PACSIN2: variants seen among roughly 807,000 people sequenced by gnomAD.
PACSIN2 encodes protein kinase C and casein kinase substrate in neurons protein 2.
In PACSIN2, 25 loss-of-function variants were observed where a neutral mutation model predicts 63.8. That is an observed-to-expected ratio of 0.39 (90% CI 0.29 to 0.55). The LOEUF (loss-of-function observed/expected upper bound fraction) is 0.55, where lower values mean the gene tolerates loss of function less well. PACSIN2 is among the 20% of genes least tolerant of loss of function. PACSIN2 has a pLI of 0.62. For missense variants in PACSIN2, 518 were observed against 646.9 expected, an observed-to-expected ratio of 0.80 and a Z score of 2.16; for synonymous variants, 255 against 256.2, an observed-to-expected ratio of 1.00 and a Z score of 0.05.
At chr22:42,983,853 GA>G (rs1922417686) in intron 1 of PACSIN2, among the ~76,000 whole-genome samples, 1 of 152,012 alleles carries the variant, frequency 6.6e-6, no homozygotes, top group Admixed American at 6.6e-5. Context: ...TCCATCTCAT[GA>G]GACAGATACT....
chr22:42,913,552 A>G (rs1178397224), intron 1 of PACSIN2, among the ~76,000 whole-genome samples: 1 of 152,062 alleles, frequency 6.6e-6, no homozygotes, highest in Admixed American at 6.5e-5. Flanking sequence ...CAAGTCAAAT[A>G]TATACAAGAG....
At chr22:42,989,323 C>T (rs1922845370) in intron 1 of PACSIN2, among the ~76,000 whole-genome samples, 1 of 151,860 alleles carries the variant, frequency 6.6e-6, no homozygotes, top group South Asian at 2.1e-4. Context: ...ATGATGAAAC[C>T]CCATCTCTAC....
At chr22:43,009,051 C>A (rs1185165320) in intron 1 of PACSIN2, among the ~76,000 whole-genome samples, 1 of 152,202 alleles carries the variant, frequency 6.6e-6, no homozygotes, top group Non-Finnish European at 1.5e-5. Context: ...GAAAAACAGT[C>A]CTTTCCGGCA....
At chr22:43,009,377 AT>A (rs1236182504) in intron 1 of PACSIN2, among the ~76,000 whole-genome samples, 1 of 152,248 alleles carries the variant, frequency 6.6e-6, no homozygotes, top group Non-Finnish European at 1.5e-5. Flanking sequence ...ACAAGTCATC[AT>A]TATTATTAGC....
chr22:42,893,166 T>C (rs570760659), intron 3 of PACSIN2, among the ~76,000 whole-genome samples: 52 of 152,210 alleles, frequency 3.4e-4, no homozygotes, highest in Non-Finnish European at 6.6e-4. Context: ...GATAGGAACT[T>C]ACCCGAGTTC....
intron 1 of PACSIN2, among the ~76,000 whole-genome samples, chr22:42,984,843 G>C (rs1456332776): frequency 1.3e-5 from 2 of 152,144 alleles, no homozygotes; most frequent in African/African-American, 4.8e-5. Context: ...TAGTAACAAT[G>C]AGACCCCAAA....
At chr22:42,938,662 T>C (rs1283613528) in intron 1 of PACSIN2, among the ~76,000 whole-genome samples, 4 of 152,238 alleles carry the variant, frequency 2.6e-5, no homozygotes, top group Non-Finnish European at 5.9e-5. Flanking sequence ...CTCGACAGCC[T>C]GGCACAGTGG....
At chr22:43,012,721 T>TGGCTCACCGC (rs1924585543) in intron 1 of PACSIN2, among the ~76,000 whole-genome samples, 1 of 152,008 alleles carries the variant, frequency 6.6e-6, no homozygotes, top group African/African-American at 2.4e-5. Context: ...GGCCGGATCT[T>TGGCTCACCGC]GGCTCACCGC....
chr22:42,936,895 A>G (rs1048348492), intron 1 of PACSIN2, among the ~76,000 whole-genome samples: 1 of 128,530 alleles, frequency 7.8e-6, no homozygotes, highest in African/African-American at 2.9e-5. Context: ...TGGGCAACAC[A>G]GCAAGACTCT....
chr22:42,872,714 C>T (rs190792108), intron 10 of PACSIN2, among the ~76,000 whole-genome samples: 1 of 152,290 alleles, frequency 6.6e-6, no homozygotes, highest in East Asian at 1.9e-4. Flanking sequence ...ACTGGGGGTA[C>T]TGTGAAGATT....
At chr22:42,917,834 C>T (rs1044371370) in intron 1 of PACSIN2, among the ~76,000 whole-genome samples, 3 of 151,860 alleles carry the variant, frequency 2.0e-5, no homozygotes, top group East Asian at 1.9e-4. Flanking sequence ...TATGTTGCCC[C>T]GGCTGGCCTT....
chr22:42,883,967 A>G (rs1030060404), intron 6 of PACSIN2, among the ~76,000 whole-genome samples: 1 of 151,990 alleles, frequency 6.6e-6, no homozygotes, highest in Non-Finnish European at 1.5e-5. Flanking sequence ...AGATCACGCC[A>G]CTGCACTCCA....
chr22:42,981,759 C>T (rs1262959013), intron 1 of PACSIN2, among the ~76,000 whole-genome samples: 3 of 120,012 alleles, frequency 2.5e-5, no homozygotes, highest in African/African-American at 6.6e-5. Context: ...CCAGTCGCCC[C>T]GTCCAGGAGG....
At chr22:42,957,461 G>A (rs1357145900) in intron 1 of PACSIN2, among the ~76,000 whole-genome samples, 5 of 152,158 alleles carry the variant, frequency 3.3e-5, no homozygotes, top group Non-Finnish European at 5.9e-5. Flanking sequence ...TGGCCACACC[G>A]AGGTCTAGGA....
intron 1 of PACSIN2, among the ~76,000 whole-genome samples, chr22:42,960,125 A>C (rs1350605580): frequency 2.6e-5 from 4 of 152,136 alleles, no homozygotes; most frequent in Non-Finnish European, 4.4e-5. Context: ...CCCCTCCCCA[A>C]CACACAAAAA....
chr22:42,971,306 C>G (rs1921246394), intron 1 of PACSIN2, among the ~76,000 whole-genome samples: 1 of 152,314 alleles, frequency 6.6e-6, no homozygotes, highest in Middle Eastern at 3.4e-3. Flanking sequence ...GGGCTGGTCT[C>G]CAGCTCCCGA....
intron 1 of PACSIN2, among the ~76,000 whole-genome samples, chr22:43,001,994 G>A (rs1043398604): frequency 2.6e-5 from 4 of 152,208 alleles, no homozygotes; most frequent in African/African-American, 9.6e-5. Context: ...AGGGACAGTG[G>A]AGGGTAGGAA....
chr22:42,870,248 A>G lies in PACSIN2; in HGVS notation c.*1109T>C, dbSNP rs927421122. On this transcript the variant is annotated 3_prime_UTR_variant, in exon 11 of 11. Transcript: ENST00000263246. The stretch of plus-strand genomic sequence containing the variant: ...GGAGCCAGGACAAAGGCCGGTCAGA[A>G]GCCGGACCAGCAGTCAGCTGGTGAC... 3 of 152,198 alleles carry G rather than the reference A, an allele frequency of 2.0e-5. No homozygotes were observed. Among genetic ancestry groups the G allele is most frequent in the Admixed American group, 6.5e-5 (1 of 15,278 alleles). 9.4% of individuals were successfully genotyped at this position (152,198 alleles called of 1,614,324 possible). A position where few individuals can be genotyped will look rare whatever the true frequency, so the allele number is the denominator to read the frequency against.
At chr22:42,912,470 G>T (rs746602470) in intron 1 of PACSIN2, among the ~76,000 whole-genome samples, 2 of 152,188 alleles carry the variant, frequency 1.3e-5, no homozygotes, top group Non-Finnish European at 2.9e-5. Context: ...GGGATAAAAC[G>T]TGAGTGGAGG....
Sources: gnomAD v4.1 joint callset for allele counts (sites outside exome capture counted in the v4.1 genomes callset) on GRCh38, gnomAD v4.1.1 for gene constraint, MANE v1.5 for transcripts, NCBI Gene and HGNC (gene_info 2026-07-23, HGNC 2026-07-21) for gene names.